CELF2: variants seen among roughly 807,000 people sequenced by gnomAD.
The protein encoded by CELF2 is CUGBP Elav-like family member 2, also known as CUG triplet repeat RNA-binding protein 2.
Under a neutral mutation model 62.6 loss-of-function variants are expected in CELF2, and 8 were observed. The ratio of observed to expected loss-of-function variants is 0.13; its 90% CI spans 0.07 to 0.23. CELF2 has a LOEUF of 0.23. Among genes scored for constraint, CELF2 ranks in the 10% least tolerant of loss-of-function variants. The pLI, the probability that CELF2 is intolerant of heterozygous loss-of-function variation, is 1.00. For synonymous variants in CELF2, 258 were observed against 250.0 expected, an observed-to-expected ratio of 1.03 and a Z score of -0.30; for missense variants, 333 against 671.0, an observed-to-expected ratio of 0.50 and a Z score of 5.56.
chr10:10,597,674 T>G, the CELF2 span, among the ~76,000 whole-genome samples: 1 of 152,234 alleles, frequency 6.6e-6, no homozygotes, highest in East Asian at 1.9e-4. Context: ...AATGGTAAGA[T>G]TGGACACATG....
chr10:10,638,062 G>A, the CELF2 span, among the ~76,000 whole-genome samples: 1 of 152,160 alleles, frequency 6.6e-6, no homozygotes, highest in African/African-American at 2.4e-5. Flanking sequence ...GGATACTGAT[G>A]TGGACAGAGT....
chr10:11,139,393 G>A (rs112588070), intron 1 of CELF2, among the ~76,000 whole-genome samples: 1 of 152,176 alleles, frequency 6.6e-6, no homozygotes, highest in Admixed American at 6.5e-5. Context: ...AGTGAGGAAA[G>A]AAATTCTGTT....
the CELF2 span, among the ~76,000 whole-genome samples, chr10:10,501,943 CT>C: frequency 5.1e-4 from 78 of 152,216 alleles, no homozygotes; most frequent in African/African-American, 1.8e-3. Flanking sequence ...AAGTTGCCCC[CT>C]ATTCCTGTTT....
At chr10:10,919,683 AT>A (rs1266135306) in intron 1 of CELF2, among the ~76,000 whole-genome samples, 9 of 152,144 alleles carry the variant, frequency 5.9e-5, no homozygotes, top group Non-Finnish European at 1.5e-5. Flanking sequence ...GATGTTGTAC[AT>A]TTTTACATTT....
At chr10:11,304,063 C>G (rs2093999245) in intron 9 of CELF2, among the ~76,000 whole-genome samples, 2 of 152,328 alleles carry the variant, frequency 1.3e-5, no homozygotes, top group African/African-American at 4.8e-5. Flanking sequence ...CAAGTTACCA[C>G]CAACCTCATG....
At chr10:10,688,096 T>G in the CELF2 span, among the ~76,000 whole-genome samples, 2 of 152,358 alleles carry the variant, frequency 1.3e-5, no homozygotes, top group South Asian at 4.1e-4. Flanking sequence ...TACAAGAATC[T>G]GTTTTGTTAT....
At chr10:10,610,650 C>T in the CELF2 span, among the ~76,000 whole-genome samples, 1 of 152,118 alleles carries the variant, frequency 6.6e-6, no homozygotes, top group Admixed American at 6.5e-5. Context: ...AATTCAACTG[C>T]AGTTAACTCA....
In CELF2 at chr10:11,178,989, C is replaced by T. The variant is rs1344480354; in HGVS notation, c.271+13307C>T. ...TTGCCCTCTGGCCACTTCCTCCACA[C>T]CCCCAGGAACATTGCCCCCATTTCA... On this transcript the variant is annotated intron_variant, in intron 2 of 12. Transcript: ENST00000633077. This position sits in a 1 kb window ranked among gnomAD's most constrained non-coding sequence, Gnocchi z 4.3. 1.3e-5 allele frequency among the ~76,000 whole-genome samples: 2 copies of T among 152,224 alleles called. No individual in the cohort carries two copies. Among genetic ancestry groups the T allele is most frequent in the African/African-American group, 4.8e-5 (2 of 41,458 alleles).
intron 1 of CELF2, among the ~76,000 whole-genome samples, chr10:10,862,310 G>A (rs1465798151): frequency 2.0e-5 from 3 of 152,110 alleles, no homozygotes; most frequent in Admixed American, 1.3e-4. Context: ...CTCTCATGTA[G>A]CTGCAGTCAC....
intron 1 of CELF2, among the ~76,000 whole-genome samples, chr10:11,144,900 G>GAAAAAAAAA (rs397846995): frequency 3.8e-4 from 28 of 74,042 alleles, no homozygotes; most frequent in Admixed American, 6.8e-4. Flanking sequence ...TCAGGAAACA[G>GAAAAAAAAA]AAAAAAAAAA....
the CELF2 span, among the ~76,000 whole-genome samples, chr10:10,699,553 C>T: frequency 6.6e-6 from 1 of 152,194 alleles, no homozygotes; most frequent in Non-Finnish European, 1.5e-5. Context: ...TTTGATCTGT[C>T]ATCATGGTGA....
At chr10:10,884,913 G>C (rs766631031) in intron 1 of CELF2, among the ~76,000 whole-genome samples, 1 of 152,174 alleles carries the variant, frequency 6.6e-6, no homozygotes, top group Non-Finnish European at 1.5e-5. Flanking sequence ...CATTTATCTA[G>C]CACATGCTAA....
At position 11,290,022 on chromosome 10, in the gene CELF2, A is replaced by G. The variant is rs2092257799; in HGVS notation, c.976+1470A>G. Among the ~76,000 whole-genome samples the G allele has an allele frequency of 6.6e-6, 1 of 152,202 alleles. No individual in the cohort carries two copies. The highest frequency in any genetic ancestry group is 1.5e-5 in the Non-Finnish European group (1 of 68,036). ...AAATAGCACTGAGTATTGTGAATGCATTTTGGAGCATCTTCAGTCCAAAGG... is the reference window on the plus strand; with the variant it reads ...AAATAGCACTGAGTATTGTGAATGCGTTTTGGAGCATCTTCAGTCCAAAGG... On this transcript the variant is annotated intron_variant, in intron 9 of 12. Transcript: ENST00000633077. This position sits in a 1 kb window ranked among gnomAD's most constrained non-coding sequence, Gnocchi z 4.3.
rs1447962063 is a variant in CELF2, at chr10:11,244,736, T to G, written c.355-4417T>G. On this transcript the variant is annotated intron_variant, in intron 3 of 12. Transcript: ENST00000633077. This position sits in a 1 kb window ranked among gnomAD's most constrained non-coding sequence, Gnocchi z 4.2. ...TGGTTAGGATATCGTATCATTGTTC[T>G]TGATCAACAGTAGGGCCTATTTTCT... Among the ~76,000 whole-genome samples, 1 of 152,174 alleles carries G rather than the reference T, an allele frequency of 6.6e-6. No homozygotes were observed. Among genetic ancestry groups the G allele is most frequent in the Non-Finnish European group, 1.5e-5 (1 of 68,014 alleles).
chr10:10,670,543 C>A, the CELF2 span, among the ~76,000 whole-genome samples: 1 of 152,328 alleles, frequency 6.6e-6, no homozygotes, highest in East Asian at 1.9e-4. Flanking sequence ...ACATTATCAG[C>A]ATCCCCAACC....
At chr10:10,490,594 T>C in the CELF2 span, among the ~76,000 whole-genome samples, 1 of 151,720 alleles carries the variant, frequency 6.6e-6, no homozygotes, top group Non-Finnish European at 1.5e-5. Flanking sequence ...ATGTGCACAA[T>C]AGGCTGGAAA....
chr10:10,759,098 G>C, the CELF2 span, among the ~76,000 whole-genome samples: 5 of 152,038 alleles, frequency 3.3e-5, no homozygotes, highest in African/African-American at 1.2e-4. Flanking sequence ...TTTGTAACAC[G>C]GTTTGCCATC....
At chr10:11,129,444 G>T (rs547831843) in intron 1 of CELF2, among the ~76,000 whole-genome samples, 2 of 152,320 alleles carry the variant, frequency 1.3e-5, no homozygotes, top group South Asian at 4.1e-4. Context: ...AATAGTTTCA[G>T]ACGGAAAGGT....
the CELF2 span, among the ~76,000 whole-genome samples, chr10:10,482,879 C>T: frequency 5.3e-5 from 8 of 152,128 alleles, no homozygotes; most frequent in Non-Finnish European, 8.8e-5. Flanking sequence ...CCTCCCCTGT[C>T]ACTGTTTGAT....
Sources: gnomAD v4.1 joint callset for allele counts (sites outside exome capture counted in the v4.1 genomes callset) on GRCh38, gnomAD v4.1.1 for gene constraint, Gnocchi (gnomAD v3.1) non-coding constraint, MANE v1.5 for transcripts, NCBI Gene and HGNC (gene_info 2026-07-23, HGNC 2026-07-21) for gene names.